BRINP1: variants seen among roughly 807,000 people sequenced by gnomAD.
BRINP1 encodes the protein BMP/retinoic acid-inducible neural-specific protein 1.
A neutral mutation model predicts 72.9 loss-of-function variants in BRINP1; 17 were observed. The observed-to-expected ratio is 0.23, with a 90% confidence interval of 0.16 to 0.35. BRINP1 has a LOEUF of 0.35. BRINP1 is among the 10% of genes least tolerant of loss of function. The probability of loss-of-function intolerance (pLI) is 1.00; values close to 1 mark genes in which losing one functional copy is unlikely to be tolerated. For missense variants in BRINP1, 850 were observed against 1,001.6 expected (o/e 0.85, Z 2.04); for synonymous variants, 418 against 378.5 (o/e 1.10, Z -1.21).
chr9:119,323,919 C>T lies in BRINP1; in HGVS notation c.-50-10514G>A, dbSNP rs186338471. 2.2e-4 allele frequency among the ~76,000 whole-genome samples: 34 copies of T among 152,100 alleles called. No homozygotes were observed. The East Asian group carries it at 4.5e-3, about 20-fold the overall frequency. On this transcript the variant is annotated intron_variant, in intron 1 of 7. Coordinates refer to ENST00000265922, the MANE Select transcript of BRINP1 (RefSeq NM_014618.3). ...TGAACTAGACAGATTGATTACTGAG[C>T]AGAGACTATGTATGGAGAATAGAGG...
At chr9:119,362,879 T>C (rs1300251485) in intron 1 of BRINP1, among the ~76,000 whole-genome samples, 1 of 152,226 alleles carries the variant, frequency 6.6e-6, no homozygotes, top group Non-Finnish European at 1.5e-5. Context: ...TCTCAAACTC[T>C]CTTTAGTCCT....
At chr9:119,222,126 A>T (rs965536428) in intron 5 of BRINP1, among the ~76,000 whole-genome samples, 1 of 152,108 alleles carries the variant, frequency 6.6e-6, no homozygotes, top group Non-Finnish European at 1.5e-5. Context: ...GAGCTCATCA[A>T]TCTCTCTTTT....
At chr9:119,347,826 G>A (rs1324622) in intron 1 of BRINP1, among the ~76,000 whole-genome samples, 2 of 151,958 alleles carry the variant, frequency 1.3e-5, no homozygotes, top group Non-Finnish European at 2.9e-5. Flanking sequence ...ACATTTTTAA[G>A]GACACTTTTT....
At chr9:119,347,595 A>G (rs1487534052) in intron 1 of BRINP1, among the ~76,000 whole-genome samples, 2 of 152,090 alleles carry the variant, frequency 1.3e-5, no homozygotes, top group East Asian at 3.9e-4. Context: ...AATGTAAACA[A>G]TTATCTGTTG....
At chr9:119,361,714 A>G (rs1831633144) in intron 1 of BRINP1, among the ~76,000 whole-genome samples, 1 of 148,762 alleles carries the variant, frequency 6.7e-6, no homozygotes, top group Admixed American at 6.7e-5. Flanking sequence ...TCTACTTCCC[A>G]GGCTCAAGTG....
Position 119,167,699 on chromosome 9 carries a change from G to A in BRINP1, c.1671C>T (p.Asp557=). The part of the protein sequence containing the change: ...RICQMRNSSL[D]PMFFVYVNPF... ...GGTTGACATAGACAAAGAACATGGGGTCCAGGCTGCTGTTGCGCATCTGGC... is the reference window on the plus strand; with the variant it reads ...GGTTGACATAGACAAAGAACATGGGATCCAGGCTGCTGTTGCGCATCTGGC... Residue 557 remains aspartate, a synonymous_variant, in exon 8 of 8, where the codon GAC becomes GAT. Transcript: ENST00000265922. The surrounding 1 kb of genome is among the most constrained non-coding windows in gnomAD (Gnocchi z 4.3). 1 of 1,614,142 alleles carries A rather than the reference G, an allele frequency of 6.2e-7. No homozygotes were observed. Among genetic ancestry groups the A allele is most frequent in the Non-Finnish European group, 8.5e-7 (1 of 1,180,016 alleles).
intron 5 of BRINP1, among the ~76,000 whole-genome samples, chr9:119,227,984 C>T (rs1830109516): frequency 6.6e-6 from 1 of 151,998 alleles, no homozygotes; most frequent in Non-Finnish European, 1.5e-5. Context: ...TTCTCCTACA[C>T]TTTCTTTTTC....
At chr9:119,363,768 A>G (rs904186924) in intron 1 of BRINP1, among the ~76,000 whole-genome samples, 1 of 152,228 alleles carries the variant, frequency 6.6e-6, no homozygotes, top group African/African-American at 2.4e-5. Context: ...ATAGCTATGT[A>G]AATTAAAATA....
chr9:119,227,842 T>A (rs2118892339), intron 5 of BRINP1, among the ~76,000 whole-genome samples: 1 of 152,114 alleles, frequency 6.6e-6, no homozygotes, highest in Non-Finnish European at 1.5e-5. Flanking sequence ...TCTTTGAGCC[T>A]CAATTTCTTC....
At chr9:119,176,656 C>T (rs748038625) in intron 7 of BRINP1, among the ~76,000 whole-genome samples, 6 of 152,038 alleles carry the variant, frequency 3.9e-5, no homozygotes, top group Non-Finnish European at 8.8e-5. Flanking sequence ...ATTTAAAGTG[C>T]TTAAAAGAGC....
chr9:119,308,962 C>T (rs1048199397), intron 2 of BRINP1, among the ~76,000 whole-genome samples: 1 of 135,206 alleles, frequency 7.4e-6, no homozygotes, highest in Non-Finnish European at 1.6e-5. Flanking sequence ...TACTGATGAT[C>T]TCACAGTTAG....
chr9:119,357,910 C>A (rs1196042816), intron 1 of BRINP1, among the ~76,000 whole-genome samples: 7 of 152,170 alleles, frequency 4.6e-5, no homozygotes. Flanking sequence ...ACAATGCCTT[C>A]AGCTGGTGTA....
At chr9:119,265,464 G>T (rs1236937217) in intron 2 of BRINP1, among the ~76,000 whole-genome samples, 2 of 152,030 alleles carry the variant, frequency 1.3e-5, no homozygotes, top group African/African-American at 2.4e-5. Flanking sequence ...AATTAGCTGG[G>T]TGTGGTGTCG....
At chr9:119,225,023 T>C (rs1218139226) in intron 5 of BRINP1, among the ~76,000 whole-genome samples, 2 of 152,116 alleles carry the variant, frequency 1.3e-5, no homozygotes, top group African/African-American at 4.8e-5. Flanking sequence ...TCAGCAATTT[T>C]ACTCTTAAGT....
intron 2 of BRINP1, among the ~76,000 whole-genome samples, chr9:119,301,287 A>G (rs1159987040): frequency 2.0e-5 from 3 of 152,042 alleles, no homozygotes; most frequent in Non-Finnish European, 2.9e-5. Flanking sequence ...TCCTTACTTA[A>G]CCTAGACCCA....
intron 7 of BRINP1, among the ~76,000 whole-genome samples, chr9:119,171,580 G>A (rs1829411125): frequency 7.0e-6 from 1 of 142,516 alleles, no homozygotes; most frequent in African/African-American, 2.6e-5. Context: ...CAACGAGACA[G>A]AAAGTCAACA....
intron 3 of BRINP1, among the ~76,000 whole-genome samples, chr9:119,245,734 G>A (rs1830309159): frequency 6.6e-6 from 1 of 152,152 alleles, no homozygotes; most frequent in Admixed American, 6.5e-5. Context: ...AGGTTAAGAA[G>A]CATCTTTTAG....
intron 6 of BRINP1, among the ~76,000 whole-genome samples, chr9:119,212,584 G>A (rs2118875647): frequency 6.6e-6 from 1 of 152,292 alleles, no homozygotes; most frequent in African/African-American, 2.4e-5. Flanking sequence ...TATAGAGGAG[G>A]TGTTCCCTTC....
intron 2 of BRINP1, among the ~76,000 whole-genome samples, chr9:119,264,300 C>T (rs1174663834): frequency 6.6e-6 from 1 of 152,210 alleles, no homozygotes; most frequent in Non-Finnish European, 1.5e-5. Flanking sequence ...CAAGGTTCTT[C>T]GCCAAGACAC....
Sources: gnomAD v4.1 joint callset for allele counts (sites outside exome capture counted in the v4.1 genomes callset) on GRCh38, gnomAD v4.1.1 for gene constraint, Gnocchi (gnomAD v3.1) non-coding constraint, MANE v1.5 for transcripts, NCBI Gene and HGNC (gene_info 2026-07-23, HGNC 2026-07-21) for gene names.